ANK3: variants seen among roughly 807,000 people sequenced by gnomAD.
ANK3 encodes ankyrin 3.
Under a neutral mutation model 370.9 loss-of-function variants are expected in ANK3, and 57 were observed. The ratio of observed to expected loss-of-function variants is 0.15; its 90% CI spans 0.12 to 0.19. ANK3 has a LOEUF of 0.19. Ranked by LOEUF, ANK3 falls within the 10% of genes least tolerant of loss-of-function variation. The pLI is 1.00. For missense variants in ANK3, 4,439 were observed against 5,302.1 expected (o/e 0.84, Z 5.06); for synonymous variants, 1,929 against 1,946.3 (o/e 0.99, Z 0.23).
intron 43 of ANK3, among the ~76,000 whole-genome samples, chr10:60,031,625 T>G (rs1588993998): frequency 1.3e-5 from 2 of 152,292 alleles, no homozygotes; most frequent in South Asian, 4.1e-4. Context: ...ACAGACTATA[T>G]TTGCAGATCT....
intron 1 of ANK3, among the ~76,000 whole-genome samples, chr10:60,374,158 G>T (rs1251760183): frequency 6.6e-6 from 1 of 151,862 alleles, no homozygotes; most frequent in Non-Finnish European, 1.5e-5. Context: ...TACTGGAGCT[G>T]GGAAGGACTC....
At chr10:60,562,571 G>A (rs767357163) in intron 2 of ANK3, among the ~76,000 whole-genome samples, 10 of 151,956 alleles carry the variant, frequency 6.6e-5, no homozygotes, top group South Asian at 2.1e-4. Flanking sequence ...ACACCACCAC[G>A]CCCAGCTTAT....
intron 2 of ANK3, among the ~76,000 whole-genome samples, chr10:60,509,436 A>T (rs952673522): frequency 6.6e-6 from 1 of 152,154 alleles, no homozygotes; most frequent in African/African-American, 2.4e-5. Context: ...AGAAGAGTTA[A>T]GAAACTTGCT....
intron 36 of ANK3, among the ~76,000 whole-genome samples, chr10:60,079,290 G>A (rs545545471): frequency 1.3e-5 from 2 of 150,402 alleles, no homozygotes; most frequent in South Asian, 2.1e-4. Context: ...GGAGGATTTC[G>A]ACATTTCTGC....
intron 2 of ANK3, among the ~76,000 whole-genome samples, chr10:60,481,165 G>T (rs1489396303): frequency 6.6e-6 from 1 of 152,144 alleles, no homozygotes; most frequent in Non-Finnish European, 1.5e-5. Flanking sequence ...TAACAAGCCT[G>T]AACAACAGAG....
chr10:60,043,548 A>G, intron 42 of ANK3: 1 of 985,448 alleles, frequency 1.0e-6, no homozygotes, highest in Non-Finnish European at 1.2e-6. Flanking sequence ...GGCTGTTATA[A>G]ACCCAAAGAG....
At chr10:60,696,155 T>A (rs181028503) in intron 1 of ANK3, among the ~76,000 whole-genome samples, 14,871 of 136,822 alleles carry the variant, frequency 0.11, 1,271 homozygotes, top group East Asian at 0.24. Flanking sequence ...AATCTAGAAG[T>A]CATGGATAAA....
intron 2 of ANK3, among the ~76,000 whole-genome samples, chr10:60,561,900 T>C (rs769871711): frequency 2.6e-5 from 4 of 152,238 alleles, no homozygotes; most frequent in Non-Finnish European, 5.9e-5. Flanking sequence ...CTCTCTCCAC[T>C]GTAGCAGCCT....
At chr10:60,060,736 A>G (rs1189129705) in intron 40 of ANK3, 1 of 152,206 alleles carries the variant, frequency 6.6e-6, no homozygotes, top group Non-Finnish European at 1.5e-5. Flanking sequence ...TGTGGAGTAC[A>G]TGAAGGTCTT....
chr10:60,715,877 G>C (rs529027603), intron 1 of ANK3, among the ~76,000 whole-genome samples: 42 of 146,400 alleles, frequency 2.9e-4, no homozygotes, highest in Non-Finnish European at 5.4e-4. Flanking sequence ...TGACCAATCA[G>C]CTTGACTGTA....
intron 10 of ANK3, among the ~76,000 whole-genome samples, chr10:60,206,394 A>C (rs926752454): frequency 5.3e-5 from 8 of 152,116 alleles, no homozygotes; most frequent in Non-Finnish European, 8.8e-5. Context: ...AATCACTTGA[A>C]CCCAGGAGGC....
intron 2 of ANK3, among the ~76,000 whole-genome samples, chr10:60,463,127 GT>G (rs1456959531): frequency 6.6e-6 from 1 of 152,056 alleles, no homozygotes; most frequent in East Asian, 1.9e-4. Flanking sequence ...TGGTCTGGAA[GT>G]CCTGGTATCC....
At chr10:60,294,368 T>C (rs891139592) in intron 1 of ANK3, among the ~76,000 whole-genome samples, 1 of 152,154 alleles carries the variant, frequency 6.6e-6, no homozygotes, top group Non-Finnish European at 1.5e-5. Flanking sequence ...GGTGAGGCCA[T>C]GGCACCAGAG....
chr10:60,044,095 T>C (rs984183885), intron 42 of ANK3: 4 of 985,612 alleles, frequency 4.1e-6, no homozygotes, highest in East Asian at 1.1e-4. Flanking sequence ...GTTTTCTCTC[T>C]TGTGGGATAA....
intron 1 of ANK3, among the ~76,000 whole-genome samples, chr10:60,715,594 C>A (rs1195883537): frequency 1.3e-5 from 2 of 152,062 alleles, no homozygotes; most frequent in African/African-American, 4.8e-5. Context: ...TGGGTCACAG[C>A]AAGAGGAGTA....
chr10:60,630,755 G>A (rs1453681221), intron 1 of ANK3, among the ~76,000 whole-genome samples: 4 of 152,140 alleles, frequency 2.6e-5, no homozygotes, highest in South Asian at 4.1e-4. Context: ...GGTCAGTGGG[G>A]GTAAAGAGCA....
chr10:60,044,244 T>C (rs777181337), intron 42 of ANK3: 23 of 984,390 alleles, frequency 2.3e-5, no homozygotes, highest in Non-Finnish European at 2.8e-5. Flanking sequence ...AAGAGAAGCA[T>C]GAAATCTGAA....
At chr10:60,249,160 A>G (rs1320162879) in intron 7 of ANK3, among the ~76,000 whole-genome samples, 2 of 152,196 alleles carry the variant, frequency 1.3e-5, no homozygotes, top group Non-Finnish European at 2.9e-5. Context: ...GAGTAGAGAG[A>G]TATATATAGC....
At chr10:60,421,270 T>A (rs945370128) in intron 2 of ANK3, among the ~76,000 whole-genome samples, 1 of 152,080 alleles carries the variant, frequency 6.6e-6, no homozygotes, top group Non-Finnish European at 1.5e-5. Flanking sequence ...CTGTACAACA[T>A]CTGAATATAA....
Sources: allele counts gnomAD v4.1 joint callset (sites outside exome capture counted in the v4.1 genomes callset), GRCh38; gene constraint gnomAD v4.1.1; transcripts MANE v1.5; gene names NCBI Gene and HGNC (gene_info 2026-07-23, HGNC 2026-07-21).